Variants in PDSS2 observed in about 807,000 individuals in gnomAD.
PDSS2 encodes the protein all trans-polyprenyl-diphosphate synthase PDSS2.
PDSS2 carries 31 observed loss-of-function variants against 44.5 expected under a neutral mutation model. That is an observed-to-expected ratio of 0.70 (90% CI 0.52 to 0.94). The LOEUF (loss-of-function observed/expected upper bound fraction) is 0.94. Ranked by LOEUF, PDSS2 falls within the 40% of genes least tolerant of loss-of-function variation. PDSS2 has a pLI of 0.00. For missense variants in PDSS2, 452 were observed against 482.2 expected (o/e 0.94, Z 0.59); for synonymous variants, 157 against 180.3 (o/e 0.87, Z 1.03).
chr6:107,407,921 G>A (rs955834562), intron 1 of PDSS2, among the ~76,000 whole-genome samples: 3 of 151,974 alleles, frequency 2.0e-5, no homozygotes, highest in East Asian at 1.9e-4. Flanking sequence ...GGCTGATTTC[G>A]AGCTCCTGAC....
intron 2 of PDSS2, among the ~76,000 whole-genome samples, chr6:107,308,955 G>A (rs1344915499): frequency 2.0e-5 from 3 of 152,172 alleles, no homozygotes; most frequent in African/African-American, 7.2e-5. Context: ...TCTAGACAGT[G>A]CTTGAGGGAA....
chr6:107,171,308 C>A (rs531795354), intron 7 of PDSS2, among the ~76,000 whole-genome samples: 1 of 151,876 alleles, frequency 6.6e-6, no homozygotes, highest in Non-Finnish European at 1.5e-5. Context: ...ACTACAGGCA[C>A]GTGCCACCAT....
intron 3 of PDSS2, among the ~76,000 whole-genome samples, chr6:107,263,368 G>A (rs182125035): frequency 2.2e-3 from 328 of 151,784 alleles, no homozygotes; most frequent in Non-Finnish European, 3.2e-3. Flanking sequence ...CAGAAGAATC[G>A]CTTGAGCCCA....
At chr6:107,351,123 T>C (rs1341398432) in intron 1 of PDSS2, among the ~76,000 whole-genome samples, 2 of 152,190 alleles carry the variant, frequency 1.3e-5, no homozygotes, top group African/African-American at 4.8e-5. Context: ...TCTCTTCACA[T>C]TGCCAATATA....
intron 2 of PDSS2, among the ~76,000 whole-genome samples, chr6:107,322,146 C>A (rs1000505484): frequency 6.6e-6 from 1 of 152,170 alleles, no homozygotes; most frequent in African/African-American, 2.4e-5. Context: ...TAGGAATTGC[C>A]TGTTGCTGTG....
At chr6:107,323,637 C>T (rs777074298) in intron 2 of PDSS2, among the ~76,000 whole-genome samples, 3 of 152,112 alleles carry the variant, frequency 2.0e-5, no homozygotes, top group Non-Finnish European at 4.4e-5. Context: ...CAAAGGATCA[C>T]CATTAAGTCA....
At chr6:107,269,987 C>A (rs1775543775) in intron 3 of PDSS2, among the ~76,000 whole-genome samples, 1 of 151,330 alleles carries the variant, frequency 6.6e-6, no homozygotes, top group Admixed American at 6.6e-5. Flanking sequence ...TTTTGATGAC[C>A]CATTTAGAAT....
intron 2 of PDSS2, among the ~76,000 whole-genome samples, chr6:107,330,812 C>T (rs1191551147): frequency 2.0e-5 from 3 of 152,044 alleles, no homozygotes; most frequent in East Asian, 1.9e-4. Flanking sequence ...AAGGCTATGG[C>T]GAATGTTTAC....
chr6:107,398,025 A>G (rs1380017978), intron 1 of PDSS2, among the ~76,000 whole-genome samples: 1 of 152,244 alleles, frequency 6.6e-6, no homozygotes, highest in African/African-American at 2.4e-5. Flanking sequence ...TTAATGTAAT[A>G]AAGTTCAAAA....
chr6:107,403,518 C>T (rs1780212536), intron 1 of PDSS2, among the ~76,000 whole-genome samples: 1 of 152,188 alleles, frequency 6.6e-6, no homozygotes, highest in East Asian at 1.9e-4. Context: ...TGGGTGGTGG[C>T]TCTGACCCCA....
chr6:107,197,881 A>C, intron 6 of PDSS2: 1 of 467,614 alleles, frequency 2.1e-6, no homozygotes, highest in South Asian at 1.5e-5. Context: ...TAGAAAGTTG[A>C]ACTTCTGTAC....
intron 2 of PDSS2, among the ~76,000 whole-genome samples, chr6:107,328,664 G>A (rs1055336416): frequency 3.3e-5 from 5 of 152,108 alleles, no homozygotes; most frequent in South Asian, 4.1e-4. Context: ...AACTTTTGCC[G>A]CTTTCCACAA....
At chr6:107,273,711 C>T (rs966711197) in intron 3 of PDSS2, among the ~76,000 whole-genome samples, 1 of 151,972 alleles carries the variant, frequency 6.6e-6, no homozygotes, top group African/African-American at 2.4e-5. Flanking sequence ...AGATATTAAC[C>T]AGCAGTGATT....
In PDSS2 at chr6:107,402,533, T is replaced by TTATATA. The variant is rs765013424; in HGVS notation, c.296+56451_296+56456dup. Among the ~76,000 whole-genome samples, 383 of 63,812 alleles carry TTATATA rather than the reference T, an allele frequency of 6.0e-3. 2 individuals carry two copies. Among genetic ancestry groups the TTATATA allele is most frequent in the Non-Finnish European group, 0.011 (284 of 27,046 alleles). 41.9% of individuals were successfully genotyped at this position (63,812 alleles called of 152,430 possible). On this transcript the variant is annotated intron_variant, in intron 1 of 7. Coordinates refer to ENST00000369037, the MANE Select transcript of PDSS2 (RefSeq NM_020381.4). ...ATACACACACATATATACATACATT[T>TTATATA]TATATATATATATATATATAAAAAT... is the stretch of plus-strand genomic sequence containing the variant.
intron 4 of PDSS2, among the ~76,000 whole-genome samples, chr6:107,228,421 C>G (rs573407037): frequency 2.0e-5 from 3 of 152,236 alleles, no homozygotes; most frequent in Admixed American, 2.0e-4. Context: ...AGGCCAGGCG[C>G]GGCGGCTCAC....
chr6:107,171,020 G>A (rs1771554972), intron 7 of PDSS2, among the ~76,000 whole-genome samples: 1 of 152,178 alleles, frequency 6.6e-6, no homozygotes, highest in African/African-American at 2.4e-5. Flanking sequence ...TTTGGTATAT[G>A]CTGGAAATAC....
At chr6:107,358,350 C>T (rs574200463) in intron 1 of PDSS2, among the ~76,000 whole-genome samples, 26 of 152,234 alleles carry the variant, frequency 1.7e-4, no homozygotes, top group African/African-American at 4.1e-4. Context: ...ACCTGTAGTA[C>T]GTATCTTCCA....
Position 107,153,686 on chromosome 6 carries a change from T to C in PDSS2, c.*933A>G, listed in dbSNP as rs1349598317. ...TTTAACATTTGATAACATTTTAATCTCCTACTTCAAGTATTTGGCAACTTT... is the reference window on the plus strand; with the variant it reads ...TTTAACATTTGATAACATTTTAATCCCCTACTTCAAGTATTTGGCAACTTT... On this transcript the variant is annotated 3_prime_UTR_variant, in exon 8 of 8. Transcript: ENST00000369037. 3 of 152,620 alleles carry C rather than the reference T, an allele frequency of 2.0e-5. No homozygotes were observed. The highest frequency in any genetic ancestry group is 4.4e-5 in the Non-Finnish European group (3 of 68,040). 9.5% of individuals were successfully genotyped at this position (152,620 alleles called of 1,614,324 possible).
intron 1 of PDSS2, among the ~76,000 whole-genome samples, chr6:107,434,216 A>G (rs147633744): frequency 6.6e-6 from 1 of 152,344 alleles, no homozygotes; most frequent in East Asian, 1.9e-4. Context: ...AAAACTGAAA[A>G]TAGAGATAAC....
Sources: allele counts gnomAD v4.1 joint callset (sites outside exome capture counted in the v4.1 genomes callset), GRCh38; gene constraint gnomAD v4.1.1; transcripts MANE v1.5; gene names NCBI Gene and HGNC (gene_info 2026-07-23, HGNC 2026-07-21).